Variants in CDIN1 observed in about 807,000 individuals in gnomAD.
The protein encoded by CDIN1 is CDAN1-interacting nuclease 1.
In CDIN1, 33 loss-of-function variants were observed where a neutral mutation model predicts 45.3. The ratio of observed to expected loss-of-function variants is 0.73; its 90% confidence interval spans 0.55 to 0.97. CDIN1 has a LOEUF of 0.97. CDIN1 is among the 50% of genes least tolerant of loss of function. The pLI, the probability that CDIN1 is intolerant of heterozygous loss-of-function variation, is 0.00. For missense variants in CDIN1, 303 were observed against 339.4 expected, an observed-to-expected ratio of 0.89 and a Z score of 0.84; for synonymous variants, 118 against 124.4, an observed-to-expected ratio of 0.95 and a Z score of 0.34.
chr15:36,799,683 A>C (rs1171528593), intron 10 of CDIN1: 1 of 152,168 alleles, frequency 6.6e-6, no homozygotes, highest in African/African-American at 2.4e-5. Flanking sequence ...ATGTGAAGAG[A>C]TATTGATTAC....
intron 6 of CDIN1, among the ~76,000 whole-genome samples, 152 bp downstream of exon 6, chr15:36,691,916 A>T (rs1364385334): frequency 2.1e-5 from 3 of 145,562 alleles, no homozygotes; most frequent in Non-Finnish European, 4.4e-5. Context: ...CGAGAAGAGC[A>T]TTTCACTTTT....
intron 5 of CDIN1, among the ~76,000 whole-genome samples, chr15:36,673,782 G>A (rs1476039270): frequency 3.9e-5 from 6 of 152,014 alleles, no homozygotes; most frequent in Admixed American, 6.6e-5. Context: ...CAAATAAAAG[G>A]CTTCCACATT....
At chr15:36,714,170 C>T (rs1391549017) in intron 10 of CDIN1, among the ~76,000 whole-genome samples, 3 of 152,078 alleles carry the variant, frequency 2.0e-5, no homozygotes, top group Non-Finnish European at 2.9e-5. Context: ...AAAACTTTTA[C>T]GCACTTTTCA....
In CDIN1 at chr15:36,692,123, C is replaced by T. The variant is rs1424792351; in HGVS notation, c.427-3C>T. The T allele has an allele frequency of 6.2e-7, 1 of 1,613,532 alleles. No homozygotes were observed. Among genetic ancestry groups the T allele is most frequent in the Non-Finnish European group, 8.5e-7 (1 of 1,179,738 alleles). On this transcript the variant is annotated splice_region_variant and splice_polypyrimidine_tract_variant and intron_variant, in intron 6 of 10. Transcript: ENST00000566621. ...CCAGACCCCTTTTCTTATTTGTCTG[C>T]AGTGCATTGTGAACGACTGCTGTTA...
chr15:36,625,928 T>G (rs1290523933), intron 1 of CDIN1, among the ~76,000 whole-genome samples: 6 of 152,164 alleles, frequency 3.9e-5, no homozygotes, highest in Non-Finnish European at 7.4e-5. Flanking sequence ...ATTATTTTGT[T>G]ACCTTTTATT....
chr15:36,793,401 G>A (rs2054699366), intron 10 of CDIN1, among the ~76,000 whole-genome samples: 2 of 152,146 alleles, frequency 1.3e-5, no homozygotes, highest in African/African-American at 4.8e-5. Flanking sequence ...AGTAGAGCCA[G>A]GTCCATGCTG....
At chr15:36,610,020 G>A (rs1313750342) in intron 1 of CDIN1, among the ~76,000 whole-genome samples, 1 of 152,158 alleles carries the variant, frequency 6.6e-6, no homozygotes, top group Non-Finnish European at 1.5e-5. Flanking sequence ...ATCAAAGTAG[G>A]GCATGTACCT....
At chr15:36,679,138 G>A (rs1323419630) in intron 5 of CDIN1, among the ~76,000 whole-genome samples, 1 of 152,166 alleles carries the variant, frequency 6.6e-6, no homozygotes, top group Non-Finnish European at 1.5e-5. Context: ...TTTAGTAGTG[G>A]ATTGTGCACT....
chr15:36,619,114 A>G (rs2039032486), intron 1 of CDIN1: 1 of 1,072,466 alleles, frequency 9.3e-7, no homozygotes, highest in Non-Finnish European at 1.4e-6. Flanking sequence ...AAGGGCTAGT[A>G]AGGATTATTC....
chr15:36,751,433 C>A (rs1374667871), intron 10 of CDIN1, among the ~76,000 whole-genome samples: 1 of 151,412 alleles, frequency 6.6e-6, no homozygotes, highest in Non-Finnish European at 1.5e-5. Context: ...GCAGCTCACG[C>A]CTATAATACC....
chr15:36,645,193 T>A (rs1254376154), intron 2 of CDIN1, 30 bp from the exon 3 acceptor site: 1 of 1,517,846 alleles, frequency 6.6e-7, no homozygotes, highest in Non-Finnish European at 8.9e-7. Context: ...TATCAAAGAT[T>A]TTTTTGTGTT....
intron 10 of CDIN1, among the ~76,000 whole-genome samples, chr15:36,778,733 C>T (rs565858604): frequency 8.5e-4 from 130 of 152,274 alleles, no homozygotes; most frequent in African/African-American, 2.9e-3. Context: ...AAATGGTGTA[C>T]ACTGTCGTCT....
chr15:36,809,563 T>C lies in CDIN1; in HGVS notation c.*1110T>C, dbSNP rs564377963. 3.3e-5 allele frequency: 5 copies of C among 152,132 alleles called. No homozygotes were observed. In the South Asian group the frequency reaches 1.0e-3, roughly 32 times the overall value. The allele number at this position is 152,132 out of a possible 1,614,324, so 9.4% of individuals were successfully genotyped here. Reference sequence around the variant, plus strand: ...ATTTCAGTCTAAAGCGAAACATCAGTAAGTTAATAATAAACCTATCTTTTG... The same window carrying C: ...ATTTCAGTCTAAAGCGAAACATCAGCAAGTTAATAATAAACCTATCTTTTG... On this transcript the variant is annotated 3_prime_UTR_variant, in exon 11 of 11. Coordinates refer to ENST00000566621, the MANE Select transcript of CDIN1 (RefSeq NM_001321759.2).
At chr15:36,667,334 GC>G (rs2041285671) in intron 5 of CDIN1, among the ~76,000 whole-genome samples, 1 of 152,278 alleles carries the variant, frequency 6.6e-6, no homozygotes, top group South Asian at 2.1e-4. Flanking sequence ...GTAAAAAGGA[GC>G]CTTAACATGT....
intron 1 of CDIN1, among the ~76,000 whole-genome samples, chr15:36,612,532 C>T (rs372007001): frequency 2.0e-5 from 3 of 152,124 alleles, no homozygotes; most frequent in African/African-American, 7.2e-5. Context: ...GATATGAGAT[C>T]AGAATGAGGC....
chr15:36,666,364 T>A (rs1223108780), intron 5 of CDIN1, among the ~76,000 whole-genome samples: 1 of 152,178 alleles, frequency 6.6e-6, no homozygotes, highest in Non-Finnish European at 1.5e-5. Context: ...CTAAGTTGAT[T>A]AGCCGCTAAA....
chr15:36,662,765 A>AGTTTAGTGGAATGTATCAT (rs2140491227), intron 5 of CDIN1, among the ~76,000 whole-genome samples: 1 of 151,536 alleles, frequency 6.6e-6, no homozygotes, highest in South Asian at 2.1e-4. Context: ...AAGAACTCAT[A>AGTTTAGTGGAATGTATCAT]GTTTAGTGGA....
chr15:36,747,530 A>G (rs940749926), intron 10 of CDIN1, among the ~76,000 whole-genome samples: 4 of 152,138 alleles, frequency 2.6e-5, no homozygotes, highest in Non-Finnish European at 4.4e-5. Context: ...GGTTTTCTTT[A>G]AAAAATCACA....
Position 36,809,508 on chromosome 15 carries a change from T to G in CDIN1, c.*1055T>G, listed in dbSNP as rs1024473106. On this transcript the variant is annotated 3_prime_UTR_variant, in exon 11 of 11. Transcript: ENST00000566621. ...TATTTGTTCACTTTAATTTATTCAC[T>G]TTTGTGTACTTTTATGTACTGCAAA... 6.6e-6 allele frequency: 1 copy of G among 152,266 alleles called. No individual in the cohort carries two copies. The highest frequency in any genetic ancestry group is 2.4e-5 in the African/African-American group (1 of 41,456). 9.4% of individuals were successfully genotyped at this position (152,266 alleles called of 1,614,324 possible).
Sources: gnomAD v4.1 joint callset for allele counts (sites outside exome capture counted in the v4.1 genomes callset) on GRCh38, gnomAD v4.1.1 for gene constraint, MANE v1.5 for transcripts, NCBI Gene and HGNC (gene_info 2026-07-23, HGNC 2026-07-21) for gene names.